The following TENM3 variants were observed in gnomAD, a reference collection of about 807,000 sequenced individuals.
The protein encoded by TENM3 is teneurin transmembrane protein 3, also known as teneurin-3.
In TENM3, 63 loss-of-function variants were observed where a neutral mutation model predicts 255.1. The ratio of observed to expected loss-of-function variants is 0.25; its 90% CI spans 0.20 to 0.30. TENM3 has a LOEUF of 0.30. Among genes scored for constraint, TENM3 ranks in the 10% least tolerant of loss-of-function variants. TENM3 has a pLI of 1.00. For synonymous variants in TENM3, 1,306 were observed against 1,322.3 expected, an observed-to-expected ratio of 0.99 and a Z score of 0.27; for missense variants, 2,929 against 3,461.1, an observed-to-expected ratio of 0.85 and a Z score of 3.86.
chr4:181,613,710 T>G, the TENM3 span, among the ~76,000 whole-genome samples: 1 of 152,234 alleles, frequency 6.6e-6, no homozygotes, highest in Non-Finnish European at 1.5e-5. Flanking sequence ...TAGAATCATG[T>G]TGATTTATTC....
At chr4:182,160,089 G>A (rs1169714380) in intron 1 of TENM3, among the ~76,000 whole-genome samples, 2 of 150,348 alleles carry the variant, frequency 1.3e-5, no homozygotes, top group Non-Finnish European at 3.0e-5. Context: ...TGCAAGCTCC[G>A]CTTCCCGGGT....
At chr4:182,796,164 AT>A (rs1184843755) in intron 26 of TENM3, among the ~76,000 whole-genome samples, 2 of 152,180 alleles carry the variant, frequency 1.3e-5, no homozygotes, top group African/African-American at 4.8e-5. Flanking sequence ...AATACTCTCA[AT>A]TTAGGGGTTT....
chr4:182,094,697 A>G, the TENM3 span, among the ~76,000 whole-genome samples: 37 of 152,358 alleles, frequency 2.4e-4, no homozygotes, highest in Non-Finnish European at 4.6e-4. Context: ...CACTAGAAAG[A>G]TGTGTCCTCG....
At chr4:181,959,692 A>G in the TENM3 span, among the ~76,000 whole-genome samples, 1 of 152,188 alleles carries the variant, frequency 6.6e-6, no homozygotes, top group Non-Finnish European at 1.5e-5. Context: ...GAAAGAAAAA[A>G]ACATTAATTC....
intron 3 of TENM3, among the ~76,000 whole-genome samples, chr4:182,390,671 G>A (rs1306312442): frequency 6.6e-6 from 1 of 152,162 alleles, no homozygotes; most frequent in Non-Finnish European, 1.5e-5. Flanking sequence ...CTTGGTTTCT[G>A]CGGTTCCTTC....
chr4:182,559,127 A>ATTTTTTTTTTTTTTTT (rs70956518), intron 3 of TENM3, among the ~76,000 whole-genome samples: 1 of 107,480 alleles, frequency 9.3e-6, no homozygotes. Flanking sequence ...ATTCCTCGGG[A>ATTTTTTTTTTTTTTTT]TTTTTTTTTT....
At chr4:182,559,747 T>C (rs1742950071) in intron 3 of TENM3, among the ~76,000 whole-genome samples, 1 of 152,148 alleles carries the variant, frequency 6.6e-6, no homozygotes, top group Admixed American at 6.6e-5. Context: ...GAAATTTAAT[T>C]TGAGAAATGG....
intron 19 of TENM3, among the ~76,000 whole-genome samples, chr4:182,743,990 A>G (rs1436616910): frequency 2.0e-5 from 3 of 151,604 alleles, no homozygotes; most frequent in Non-Finnish European, 4.4e-5. Flanking sequence ...TACAGAATTC[A>G]TTTCCAGTAT....
intron 3 of TENM3, among the ~76,000 whole-genome samples, chr4:182,516,133 G>T (rs1737915591): frequency 6.6e-6 from 1 of 152,230 alleles, no homozygotes; most frequent in African/African-American, 2.4e-5. Context: ...ATAATTTGTT[G>T]TGGGAGAATG....
intron 1 of TENM3, among the ~76,000 whole-genome samples, chr4:182,178,545 T>G (rs550701577): frequency 1.3e-5 from 2 of 152,344 alleles, no homozygotes; most frequent in Non-Finnish European, 2.9e-5. Flanking sequence ...GTTCAGGGAT[T>G]CTCTTGTTTT....
intron 1 of TENM3, among the ~76,000 whole-genome samples, chr4:182,153,134 A>G (rs745314529): frequency 2.0e-5 from 3 of 152,056 alleles, no homozygotes; most frequent in Non-Finnish European, 2.9e-5. Flanking sequence ...AAAAAATATT[A>G]GTAATCAAAA....
chr4:182,673,223 A>G lies in TENM3; in HGVS notation c.1326+4A>G, dbSNP rs745896405. 1.9e-6 allele frequency: 3 copies of G among 1,571,602 alleles called. No homozygotes were observed. In the South Asian group the frequency reaches 3.5e-5, roughly 18 times the overall value. Reference sequence around the variant, plus strand: ...CTTACCGCCTTCCCATACTCAGGTAAGACTAGGCTTTCTTATCAATAAAAT... The same window carrying G: ...CTTACCGCCTTCCCATACTCAGGTAGGACTAGGCTTTCTTATCAATAAAAT... On this transcript the variant is annotated splice_donor_region_variant and intron_variant, in intron 7 of 27. Transcript: ENST00000511685.
At chr4:181,659,249 T>C in the TENM3 span, among the ~76,000 whole-genome samples, 1,032 of 152,338 alleles carry the variant, frequency 6.8e-3, 29 homozygotes, top group Admixed American at 0.059. Context: ...GCTGTTGTTA[T>C]TGTTATCCTA....
the TENM3 span, among the ~76,000 whole-genome samples, chr4:181,780,924 A>C: frequency 2.0e-5 from 3 of 152,248 alleles, no homozygotes; most frequent in African/African-American, 7.2e-5. Context: ...CAAAGATCAG[A>C]TGGTCATAGG....
chr4:182,172,588 A>G (rs529714638), intron 1 of TENM3, among the ~76,000 whole-genome samples: 79 of 152,308 alleles, frequency 5.2e-4, no homozygotes, highest in Middle Eastern at 3.4e-3. Context: ...CCTATACTCA[A>G]AATGTTTTTA....
At chr4:181,897,179 A>C in the TENM3 span, among the ~76,000 whole-genome samples, 2,590 of 152,300 alleles carry the variant, frequency 0.017, 78 homozygotes, top group African/African-American at 0.059. Flanking sequence ...CCAGATCTGC[A>C]GCCTAGCAGT....
chr4:181,793,166 C>T, the TENM3 span, among the ~76,000 whole-genome samples: 228 of 152,286 alleles, frequency 1.5e-3, no homozygotes, highest in African/African-American at 5.2e-3. Flanking sequence ...CTGTAAACTG[C>T]GCTAGACTCA....
chr4:182,701,210 C>CTTTTTATTTTTT (rs1757833740), intron 12 of TENM3, among the ~76,000 whole-genome samples: 1 of 38,644 alleles, frequency 2.6e-5, no homozygotes, highest in Non-Finnish European at 4.3e-5. Context: ...CAACTCTTGA[C>CTTTTTATTTTTT]TTTTTTTTTT....
intron 4 of TENM3, among the ~76,000 whole-genome samples, chr4:182,624,337 C>T (rs12644344): frequency 0.065 from 9,857 of 152,290 alleles, 417 homozygotes; most frequent in East Asian, 0.14. Context: ...TAAGGGACTA[C>T]GTCGTTGGCC....
Sources: gnomAD v4.1 joint callset for allele counts (sites outside exome capture counted in the v4.1 genomes callset) on GRCh38, gnomAD v4.1.1 for gene constraint, MANE v1.5 for transcripts, NCBI Gene and HGNC (gene_info 2026-07-23, HGNC 2026-07-21) for gene names.